Variants in ABCC4 observed in about 807,000 individuals in gnomAD.
ABCC4 encodes the protein ATP-binding cassette sub-family C member 4.
In ABCC4, 102 loss-of-function variants were observed where a neutral mutation model predicts 168.5. The observed-to-expected ratio is 0.61, with a 90% CI of 0.52 to 0.71. The LOEUF is 0.71. Among genes scored for constraint, ABCC4 ranks in the 30% least tolerant of loss-of-function variants. ABCC4 has a pLI of 0.00. For missense variants in ABCC4, 1,402 were observed against 1,605.8 expected (o/e 0.87, Z 2.17); for synonymous variants, 617 against 590.7 (o/e 1.04, Z -0.65).
At chr13:95,242,967 A>T (rs2039987306) in intron 3 of ABCC4, among the ~76,000 whole-genome samples, 1 of 152,244 alleles carries the variant, frequency 6.6e-6, no homozygotes, top group Non-Finnish European at 1.5e-5. Flanking sequence ...AAGTTCTACC[A>T]GTTATTATGT....
intron 29 of ABCC4, among the ~76,000 whole-genome samples, chr13:95,042,317 T>C (rs986021698): frequency 6.6e-5 from 10 of 152,210 alleles, no homozygotes; most frequent in Non-Finnish European, 1.5e-4. Context: ...ACTTTGCTAT[T>C]TACTCCAAAT....
chr13:95,043,614 A>T, intron 29 of ABCC4, 68 bp downstream of exon 29: 1 of 1,357,572 alleles, frequency 7.4e-7, no homozygotes, highest in Non-Finnish European at 1.0e-6. Flanking sequence ...AAGTTTTACA[A>T]GGAAGGAATA....
At chr13:95,062,476 T>C (rs926786200) in intron 26 of ABCC4, among the ~76,000 whole-genome samples, 11 of 123,056 alleles carry the variant, frequency 8.9e-5, no homozygotes, top group African/African-American at 3.2e-4. Context: ...TCTGCGTAAG[T>C]TATTAAATAT....
chr13:95,161,145 T>C, intron 19 of ABCC4, 44 bp downstream of exon 19: 1 of 1,494,208 alleles, frequency 6.7e-7, no homozygotes, highest in South Asian at 1.4e-5. Context: ...CTAAATGTGT[T>C]GTTAACAAGA....
chr13:95,296,700 G>A (rs1385942579), intron 1 of ABCC4, among the ~76,000 whole-genome samples: 2 of 152,174 alleles, frequency 1.3e-5, no homozygotes. Flanking sequence ...ATCACCTCTG[G>A]ATCAGGTGTG....
chr13:95,065,637 C>T (rs1005802900), intron 25 of ABCC4, among the ~76,000 whole-genome samples: 2 of 152,272 alleles, frequency 1.3e-5, no homozygotes, highest in Non-Finnish European at 2.9e-5. Flanking sequence ...CTTGAAGCTA[C>T]ATCTTTGCAA....
intron 19 of ABCC4, among the ~76,000 whole-genome samples, chr13:95,116,507 G>A (rs1004457434): frequency 6.6e-6 from 1 of 151,902 alleles, no homozygotes; most frequent in African/African-American, 2.4e-5. Context: ...GGGGAAACTT[G>A]GGATCCTATC....
At chr13:95,175,692 G>C (rs2037653795) in intron 13 of ABCC4, among the ~76,000 whole-genome samples, 1 of 152,200 alleles carries the variant, frequency 6.6e-6, no homozygotes, top group Admixed American at 6.5e-5. Flanking sequence ...GTCTTTTCAG[G>C]AAGAGGAGAT....
intron 11 of ABCC4, among the ~76,000 whole-genome samples, chr13:95,178,320 T>C (rs1408491715): frequency 2.0e-5 from 3 of 152,272 alleles, no homozygotes; most frequent in African/African-American, 4.8e-5. Flanking sequence ...TAGCTTTTCA[T>C]AGCATTTATG....
intron 5 of ABCC4, 115 bp from the exon 6 acceptor site, chr13:95,209,712 C>A (rs2038898812): frequency 9.6e-6 from 10 of 1,041,394 alleles, no homozygotes; most frequent in Non-Finnish European, 4.0e-6. Flanking sequence ...CAGAAATGGC[C>A]ACAGTGGGTT....
chr13:95,171,326 C>T (rs1476520126), intron 13 of ABCC4, among the ~76,000 whole-genome samples: 7 of 151,898 alleles, frequency 4.6e-5, no homozygotes, highest in Middle Eastern at 3.4e-3. Flanking sequence ...AGTTTTCTGA[C>T]GTTTGTTTGT....
chr13:95,058,892 G>A (rs116221378), intron 26 of ABCC4, among the ~76,000 whole-genome samples: 3,524 of 152,316 alleles, frequency 0.023, 121 homozygotes, highest in African/African-American at 0.078. Context: ...GCAGCACAGT[G>A]AGGCACGCTG....
chr13:95,233,606 T>C (rs2039684233), intron 4 of ABCC4, among the ~76,000 whole-genome samples: 1 of 147,210 alleles, frequency 6.8e-6, no homozygotes, highest in South Asian at 2.2e-4. Context: ...CATCACACAA[T>C]ACACCCATGG....
intron 1 of ABCC4, among the ~76,000 whole-genome samples, chr13:95,275,680 A>G (rs2040954810): frequency 6.6e-6 from 1 of 151,506 alleles, no homozygotes; most frequent in Non-Finnish European, 1.5e-5. Flanking sequence ...GTGCCTCAAA[A>G]TACAGGCTGC....
chr13:95,212,069 C>T (rs552829850), intron 4 of ABCC4, among the ~76,000 whole-genome samples: 2 of 150,084 alleles, frequency 1.3e-5, no homozygotes, highest in Admixed American at 1.3e-4. Flanking sequence ...CCCAGCTACT[C>T]GGGAGGCTGA....
intron 30 of ABCC4, among the ~76,000 whole-genome samples, chr13:95,031,725 G>A (rs1027255195): frequency 2.6e-5 from 4 of 152,100 alleles, no homozygotes; most frequent in Admixed American, 6.5e-5. Context: ...TTTAAAAAAA[G>A]ATTCCTAATT....
chr13:95,289,373 T>G (rs183682218), intron 1 of ABCC4, among the ~76,000 whole-genome samples: 1 of 152,200 alleles, frequency 6.6e-6, no homozygotes. Context: ...CTGCAGCTCA[T>G]GCTTTGGAAT....
At chr13:95,183,228 T>C (rs2037955444) in intron 11 of ABCC4, among the ~76,000 whole-genome samples, 1 of 152,176 alleles carries the variant, frequency 6.6e-6, no homozygotes. Flanking sequence ...TTACAGACAT[T>C]GCCTGCAGTC....
intron 1 of ABCC4, among the ~76,000 whole-genome samples, chr13:95,269,662 G>T (rs2040791588): frequency 1.3e-5 from 2 of 151,936 alleles, no homozygotes; most frequent in South Asian, 4.1e-4. Flanking sequence ...ACATTTGTTT[G>T]TATAATATTC....
Sources: gnomAD v4.1 joint callset for allele counts (sites outside exome capture counted in the v4.1 genomes callset) on GRCh38, gnomAD v4.1.1 for gene constraint, MANE v1.5 for transcripts, NCBI Gene and HGNC (gene_info 2026-07-23, HGNC 2026-07-21) for gene names.